NCALD: variants seen among roughly 807,000 people sequenced by gnomAD.
NCALD encodes the protein neurocalcin-delta.
A neutral mutation model predicts 18.6 loss-of-function variants in NCALD; 10 were observed. The ratio of observed to expected loss-of-function variants is 0.54; its 90% CI spans 0.33 to 0.91. The LOEUF is 0.91. NCALD is among the 40% of genes least tolerant of loss of function. The pLI is 0.03. For missense variants in NCALD, 184 were observed against 247.6 expected, an observed-to-expected ratio of 0.74 and a Z score of 1.72; for synonymous variants, 88 against 87.4, an observed-to-expected ratio of 1.01 and a Z score of -0.04.
intron 4 of NCALD, among the ~76,000 whole-genome samples, chr8:101,837,310 A>G (rs938028074): frequency 6.6e-6 from 1 of 152,216 alleles, no homozygotes; most frequent in Non-Finnish European, 1.5e-5. Flanking sequence ...GAGTCCTCTC[A>G]GTGTCTAGTG....
chr8:102,093,825 T>G (rs970657698), intron 1 of NCALD, among the ~76,000 whole-genome samples: 1 of 151,894 alleles, frequency 6.6e-6, no homozygotes, highest in Non-Finnish European at 1.5e-5. Context: ...TGAAGTCAGC[T>G]CTCCACCCTG....
intron 2 of NCALD, among the ~76,000 whole-genome samples, chr8:102,006,026 T>C (rs1286707064): frequency 2.7e-5 from 4 of 147,230 alleles, no homozygotes; most frequent in East Asian, 2.2e-4. Flanking sequence ...ACTTAAAGTA[T>C]AATAATAAAA....
At chr8:102,027,649 C>T (rs1047098095) in intron 1 of NCALD, among the ~76,000 whole-genome samples, 2 of 152,146 alleles carry the variant, frequency 1.3e-5, no homozygotes, top group Admixed American at 1.3e-4. Flanking sequence ...GGTATCTTTA[C>T]AGCAGCGCCC....
At chr8:101,851,205 C>G (rs891400048) in intron 4 of NCALD, among the ~76,000 whole-genome samples, 3 of 151,924 alleles carry the variant, frequency 2.0e-5, no homozygotes, top group African/African-American at 7.3e-5. Flanking sequence ...GATTATAAGA[C>G]AAATCTATAA....
At chr8:101,695,658 T>C (rs1020637387) in intron 2 of NCALD, among the ~76,000 whole-genome samples, 8 of 152,144 alleles carry the variant, frequency 5.3e-5, no homozygotes, top group African/African-American at 1.9e-4. Flanking sequence ...TCTATTGCTA[T>C]GTGCAATCTC....
intron 1 of NCALD, among the ~76,000 whole-genome samples, chr8:102,071,232 G>A (rs1439698727): frequency 6.6e-6 from 1 of 152,096 alleles, no homozygotes; most frequent in African/African-American, 2.4e-5. Context: ...GGAGAGTCTT[G>A]AACACACCTG....
intron 2 of NCALD, among the ~76,000 whole-genome samples, chr8:102,003,217 A>G (rs925169721): frequency 3.3e-5 from 5 of 152,222 alleles, no homozygotes; most frequent in African/African-American, 7.2e-5. Context: ...GATCCCACAG[A>G]AATACAAACT....
At chr8:102,106,246 T>C (rs769471408) in intron 1 of NCALD, among the ~76,000 whole-genome samples, 7 of 150,358 alleles carry the variant, frequency 4.7e-5, no homozygotes, top group Non-Finnish European at 6.0e-5. Flanking sequence ...ATTTTTTTGG[T>C]ATTTTTAGTA....
chr8:101,699,112 T>A (rs1308581079), intron 2 of NCALD, among the ~76,000 whole-genome samples: 1 of 148,810 alleles, frequency 6.7e-6, no homozygotes, highest in Non-Finnish European at 1.5e-5. Context: ...GGGCAAAGGA[T>A]ATGAACAGAC....
At chr8:101,735,182 A>G (rs76464528) in intron 1 of NCALD, among the ~76,000 whole-genome samples, 1 of 152,328 alleles carries the variant, frequency 6.6e-6, no homozygotes, top group African/African-American at 2.4e-5. Context: ...TCAGGTAATA[A>G]ACAAAACCAA....
chr8:101,843,579 A>ATTTTTTTTTTT (rs1554644288), intron 4 of NCALD, among the ~76,000 whole-genome samples: 14 of 101,246 alleles, frequency 1.4e-4, no homozygotes, highest in East Asian at 5.3e-4. Context: ...ATCTTTAAAA[A>ATTTTTTTTTTT]TTGTTTTTTT....
chr8:101,928,723 G>T (rs1339005279), intron 2 of NCALD, among the ~76,000 whole-genome samples: 2 of 150,960 alleles, frequency 1.3e-5, no homozygotes, highest in Non-Finnish European at 2.9e-5. Flanking sequence ...AACTTTCAGT[G>T]TGGTTGCCTC....
At position 101,760,618 on chromosome 8, in the gene NCALD, T is replaced by C. The variant is rs115752219; in HGVS notation, c.-20+30244A>G. 1.4e-3 allele frequency among the ~76,000 whole-genome samples: 207 copies of C among 152,334 alleles called. 1 individual carries two copies. Among genetic ancestry groups the C allele is most frequent in the African/African-American group, 4.6e-3 (191 of 41,584 alleles). ...CGTGAAATTCCAGAACCACAGCGCATAGGCTGTTTCTGTCAAGTCCATACA... is the reference window on the plus strand; with the variant it reads ...CGTGAAATTCCAGAACCACAGCGCACAGGCTGTTTCTGTCAAGTCCATACA... On this transcript the variant is annotated intron_variant, in intron 1 of 3. Coordinates refer to ENST00000220931, the MANE Select transcript of NCALD (RefSeq NM_032041.3).
At chr8:101,941,414 T>A (rs1818951413) in intron 2 of NCALD, among the ~76,000 whole-genome samples, 1 of 152,258 alleles carries the variant, frequency 6.6e-6, no homozygotes. Flanking sequence ...CTGGTTCACC[T>A]GCTGCTCACC....
Position 101,874,829 on chromosome 8 carries a change from C to G in NCALD, c.-20+12312G>C, listed in dbSNP as rs115270888. 5.1e-3 allele frequency among the ~76,000 whole-genome samples: 771 copies of G among 152,238 alleles called. 7 individuals are homozygous for G. Among genetic ancestry groups the G allele is most frequent in the African/African-American group, 0.018 (740 of 41,526 alleles). ...AGGTATGAGCCACTGTGCCCAGCGT[C>G]TTACCCAATTTTTAACTCCTCTCCT... On this transcript the variant is annotated intron_variant, in intron 4 of 6. Coordinates refer to the NCALD transcript ENST00000311028.
chr8:102,046,787 G>GT (rs1223946863), intron 1 of NCALD, among the ~76,000 whole-genome samples: 3 of 142,856 alleles, frequency 2.1e-5, no homozygotes, highest in African/African-American at 5.0e-5. Flanking sequence ...CTCACAATGA[G>GT]TTTTTTTTCC....
intron 4 of NCALD, among the ~76,000 whole-genome samples, chr8:101,797,333 TA>T (rs1287062761): frequency 6.6e-6 from 1 of 152,068 alleles, no homozygotes. Flanking sequence ...ATCAACCTGC[TA>T]AAAACTAAAG....
At chr8:101,722,202 G>A (rs1816391755) in intron 1 of NCALD, among the ~76,000 whole-genome samples, 1 of 152,076 alleles carries the variant, frequency 6.6e-6, no homozygotes, top group Non-Finnish European at 1.5e-5. Flanking sequence ...CAACTCAAAT[G>A]GAGAACAAAT....
chr8:102,057,257 T>TATACACACACAC (rs1554587795), intron 1 of NCALD, among the ~76,000 whole-genome samples: 3 of 147,772 alleles, frequency 2.0e-5, no homozygotes, highest in African/African-American at 7.5e-5. Context: ...GGCTAGTTCA[T>TATACACACACAC]ACACACACAC....
Sources: allele counts gnomAD v4.1 joint callset (sites outside exome capture counted in the v4.1 genomes callset), GRCh38; gene constraint gnomAD v4.1.1; transcripts MANE v1.5; gene names NCBI Gene and HGNC (gene_info 2026-07-23, HGNC 2026-07-21).